MAP3K5: variants seen among roughly 807,000 people sequenced by gnomAD.
MAP3K5 encodes ASK-1.
Under a neutral mutation model 158.7 loss-of-function variants are expected in MAP3K5, and 56 were observed. The observed-to-expected ratio is 0.35, with a 90% CI of 0.28 to 0.44. The LOEUF is 0.44. Among genes scored for constraint, MAP3K5 ranks in the 20% least tolerant of loss-of-function variants. MAP3K5 has a pLI of 1.00. For missense variants in MAP3K5, 1,294 were observed against 1,674.8 expected (o/e 0.77, Z 3.97); for synonymous variants, 579 against 601.7 (o/e 0.96, Z 0.55).
chr6:136,557,674 T>C lies in MAP3K5; in HGVS notation c.*84A>G. ...GATTTAAAGTGCAGCGCCTTTCTCC[T>C]CTCCCTTCGATTTTCCCACCCCCAA... On this transcript the variant is annotated 3_prime_UTR_variant, in exon 30 of 30. Coordinates refer to ENST00000359015, the MANE Select transcript of MAP3K5 (RefSeq NM_005923.4). The C allele has an allele frequency of 1.1e-6, 1 of 926,124 alleles. No homozygotes were observed. The highest frequency in any genetic ancestry group is 1.8e-6 in the Non-Finnish European group (1 of 562,334). The allele number at this position is 926,124 out of a possible 1,614,324, so 57.4% of individuals were successfully genotyped here.
In MAP3K5 at chr6:136,567,702, C is replaced by T; in HGVS notation, c.3690G>A (p.Val1230=). ...GGTGAGCACTCTGGGAATCATGAGACACAGTAGAACTGAGCGTGCTCACGC... is the reference window on the plus strand; with the variant it reads ...GGTGAGCACTCTGGGAATCATGAGATACAGTAGAACTGAGCGTGCTCACGC... The part of the protein sequence containing the change: ...TSGVSTLSST[V]SHDSQSAHRS... Residue 1230 remains valine (V), a synonymous_variant, in exon 26 of 30, where the codon GTG becomes GTA. Transcript: ENST00000359015. 6.2e-7 allele frequency: 1 copy of T among 1,614,136 alleles called. No homozygotes were observed. The highest frequency in any genetic ancestry group is 8.5e-7 in the Non-Finnish European group (1 of 1,180,016).
At chr6:136,611,903 A>G (rs1373027730) in intron 17 of MAP3K5, among the ~76,000 whole-genome samples, 1 of 152,150 alleles carries the variant, frequency 6.6e-6, no homozygotes, top group African/African-American at 2.4e-5. Flanking sequence ...AACTTCCCCA[A>G]TTGTTCCTAT....
chr6:136,653,894 T>C (rs1778629013), intron 10 of MAP3K5, among the ~76,000 whole-genome samples: 1 of 152,072 alleles, frequency 6.6e-6, no homozygotes, highest in African/African-American at 2.4e-5. Context: ...CAACAAACTA[T>C]AGAAAAGAAG....
At chr6:136,768,781 C>G (rs1434191485) in intron 1 of MAP3K5, among the ~76,000 whole-genome samples, 1 of 152,124 alleles carries the variant, frequency 6.6e-6, no homozygotes, top group African/African-American at 2.4e-5. Flanking sequence ...GGCATGGTGG[C>G]AGGTGCCTGT....
intron 1 of MAP3K5, among the ~76,000 whole-genome samples, chr6:136,725,223 AG>A (rs1781915918): frequency 6.6e-6 from 1 of 152,214 alleles, no homozygotes. Flanking sequence ...AAGACCTAGG[AG>A]TAGGATTACT....
chr6:136,622,597 T>C (rs1776855239), intron 15 of MAP3K5, among the ~76,000 whole-genome samples: 1 of 152,180 alleles, frequency 6.6e-6, no homozygotes, highest in East Asian at 1.9e-4. Context: ...TACATCCACC[T>C]TTATCCAAGA....
At chr6:136,607,873 C>T (rs1317663604) in intron 18 of MAP3K5, among the ~76,000 whole-genome samples, 1 of 152,062 alleles carries the variant, frequency 6.6e-6, no homozygotes, top group Non-Finnish European at 1.5e-5. Flanking sequence ...AAATTATCAG[C>T]ACAGTAAGTA....
At chr6:136,575,357 T>C (rs1043240693) in intron 25 of MAP3K5, among the ~76,000 whole-genome samples, 5 of 151,548 alleles carry the variant, frequency 3.3e-5, no homozygotes, top group African/African-American at 1.2e-4. Context: ...AGAGATGCGG[T>C]TTTGCCACAC....
chr6:136,717,980 C>G (rs142588436), intron 2 of MAP3K5, among the ~76,000 whole-genome samples: 4 of 152,278 alleles, frequency 2.6e-5, no homozygotes, highest in Non-Finnish European at 4.4e-5. Flanking sequence ...AATGAACACA[C>G]TCAGCAGGAA....
chr6:136,688,145 A>C (rs971491089), intron 7 of MAP3K5, among the ~76,000 whole-genome samples: 4 of 152,108 alleles, frequency 2.6e-5, no homozygotes, highest in Admixed American at 2.6e-4. Context: ...TGGAAACCAT[A>C]ATTCTCAGCA....
chr6:136,716,451 G>A lies in MAP3K5; in HGVS notation c.588+3999C>T, dbSNP rs117534862. On this transcript the variant is annotated intron_variant, in intron 2 of 29. Transcript: ENST00000359015. ...GGGGAGTGGCCCAGAACATAGAGGA[G>A]CTGAGGAAGGGAGTGGAGGAAAGGA... 3.1e-3 allele frequency among the ~76,000 whole-genome samples: 479 copies of A among 152,292 alleles called. 1 individual carries two copies. The highest frequency in any genetic ancestry group is 5.4e-3 in the Non-Finnish European group (368 of 68,028).
In MAP3K5 at chr6:136,665,039, A is replaced by G. The variant is rs149042205; in HGVS notation, c.1366+4244T>C. 4.7e-3 allele frequency among the ~76,000 whole-genome samples: 712 copies of G among 152,352 alleles called. 14 individuals carry two copies. Among genetic ancestry groups the G allele is most frequent in the Admixed American group, 0.038 (574 of 15,300 alleles). On this transcript the variant is annotated intron_variant, in intron 8 of 29. Coordinates refer to ENST00000359015, the MANE Select transcript of MAP3K5 (RefSeq NM_005923.4). ...CTCGCCACCCTATTATTAGTGATAC[A>G]AGGATGGATCACTGACAGCTGGGTC...
intron 15 of MAP3K5, among the ~76,000 whole-genome samples, chr6:136,616,226 A>C (rs1404295894): frequency 6.6e-6 from 1 of 152,018 alleles, no homozygotes; most frequent in Non-Finnish European, 1.5e-5. Context: ...AATGACTCTC[A>C]ACTATAAGGG....
chr6:136,688,451 C>G (rs778562610), intron 7 of MAP3K5, among the ~76,000 whole-genome samples: 1 of 152,070 alleles, frequency 6.6e-6, no homozygotes, highest in Non-Finnish European at 1.5e-5. Context: ...TCTTTGAGCT[C>G]TAACACCATT....
chr6:136,628,137 T>G (rs1583297337), intron 14 of MAP3K5, among the ~76,000 whole-genome samples: 1 of 150,836 alleles, frequency 6.6e-6, no homozygotes, highest in African/African-American at 2.4e-5. Flanking sequence ...TTTTAAAGAG[T>G]GTTTTGCTCT....
intron 1 of MAP3K5, among the ~76,000 whole-genome samples, chr6:136,767,383 A>G (rs1295460947): frequency 3.3e-5 from 5 of 151,004 alleles, no homozygotes; most frequent in African/African-American, 7.3e-5. Flanking sequence ...AGGGGACTAA[A>G]GGAAGGGAGG....
intron 8 of MAP3K5, among the ~76,000 whole-genome samples, chr6:136,659,857 A>C (rs1026608185): frequency 2.6e-5 from 4 of 152,238 alleles, no homozygotes; most frequent in Admixed American, 6.5e-5. Context: ...CTTCAAATGG[A>C]AATTTTTGTT....
At chr6:136,616,811 C>A (rs2129093384) in intron 15 of MAP3K5, among the ~76,000 whole-genome samples, 1 of 152,236 alleles carries the variant, frequency 6.6e-6, no homozygotes, top group East Asian at 1.9e-4. Context: ...TCACTGCACC[C>A]TCAGCCTCCC....
chr6:136,614,132 C>T, intron 16 of MAP3K5, 27 bp downstream of exon 16: 1 of 1,606,690 alleles, frequency 6.2e-7, no homozygotes, highest in East Asian at 2.2e-5. Flanking sequence ...AACATTCACA[C>T]TTTTTAAAGA....
Sources: allele counts gnomAD v4.1 joint callset (sites outside exome capture counted in the v4.1 genomes callset), GRCh38; gene constraint gnomAD v4.1.1; transcripts MANE v1.5; gene names NCBI Gene and HGNC (gene_info 2026-07-23, HGNC 2026-07-21).